The following TENM4 variants were observed in gnomAD, a reference collection of about 807,000 sequenced individuals.
The protein encoded by TENM4 is teneurin-4.
A neutral mutation model predicts 243.3 loss-of-function variants in TENM4; 82 were observed. The ratio of observed to expected loss-of-function variants is 0.34; its 90% CI spans 0.28 to 0.40. TENM4 has a LOEUF of 0.40. Ranked by LOEUF, TENM4 falls within the 10% of genes least tolerant of loss-of-function variation. The probability of loss-of-function intolerance (pLI) is 1.00; values close to 1 mark genes in which losing one functional copy is unlikely to be tolerated. For missense variants in TENM4, 3,138 were observed against 3,673.3 expected (o/e 0.85, Z 3.77); for synonymous variants, 1,412 against 1,456.3 (o/e 0.97, Z 0.69).
intron 3 of TENM4, among the ~76,000 whole-genome samples, chr11:79,205,947 A>G (rs1863843091): frequency 6.6e-6 from 1 of 152,260 alleles, no homozygotes; most frequent in Non-Finnish European, 1.5e-5. Context: ...CAGAACTCAG[A>G]GTGAATGCTA....
intron 33 of TENM4, among the ~76,000 whole-genome samples, chr11:78,660,627 C>G (rs1393117994): frequency 6.6e-6 from 1 of 152,130 alleles, no homozygotes; most frequent in Non-Finnish European, 1.5e-5. Context: ...CTGCTTTCCT[C>G]CTTAGTCTGT....
intron 3 of TENM4, among the ~76,000 whole-genome samples, chr11:79,203,983 G>A (rs1399378201): frequency 6.6e-6 from 1 of 152,210 alleles, no homozygotes; most frequent in Admixed American, 6.5e-5. Context: ...AAAAACACAT[G>A]TTGTATGATT....
chr11:79,366,840 T>A (rs956927396), intron 1 of TENM4, among the ~76,000 whole-genome samples: 1 of 152,190 alleles, frequency 6.6e-6, no homozygotes, highest in African/African-American at 2.4e-5. Context: ...GATCAATGAA[T>A]GAATGAGTGA....
intron 3 of TENM4, among the ~76,000 whole-genome samples, chr11:79,154,449 T>C (rs1444468271): frequency 6.6e-6 from 1 of 152,104 alleles, no homozygotes. Flanking sequence ...CCTCCAACAC[T>C]GGAGGTCACA....
chr11:79,403,242 A>C (rs1858498909), intron 1 of TENM4, among the ~76,000 whole-genome samples: 1 of 152,246 alleles, frequency 6.6e-6, no homozygotes, highest in Non-Finnish European at 1.5e-5. Flanking sequence ...ATTTATGACA[A>C]AAAGGTTGTC....
chr11:79,360,822 AC>A (rs1446954511), intron 1 of TENM4, among the ~76,000 whole-genome samples: 21 of 152,196 alleles, frequency 1.4e-4, no homozygotes, highest in African/African-American at 5.1e-4. Flanking sequence ...ACCCACAACT[AC>A]AATGCAAAAT....
At chr11:79,391,400 A>C (rs1185421295) in intron 1 of TENM4, among the ~76,000 whole-genome samples, 1 of 131,148 alleles carries the variant, frequency 7.6e-6, no homozygotes. Flanking sequence ...GTGGGATGCC[A>C]AGTGGAACCA....
intron 27 of TENM4, among the ~76,000 whole-genome samples, 159 bp from the exon 28 acceptor site, chr11:78,702,562 T>A (rs1859134619): frequency 1.3e-5 from 2 of 152,286 alleles, no homozygotes; most frequent in South Asian, 4.1e-4. Flanking sequence ...GTCAGCCCCC[T>A]GATCACCGGG....
chr11:79,096,928 G>GCGCGCACACACACA (rs1491382120), intron 4 of TENM4: 52 of 133,884 alleles, frequency 3.9e-4, no homozygotes, highest in African/African-American at 1.3e-3. Context: ...GCGCGCGCGC[G>GCGCGCACACACACA]CACACACACA....
chr11:79,402,213 G>C (rs954689267), intron 1 of TENM4: 1 of 192,320 alleles, frequency 5.2e-6, no homozygotes, highest in African/African-American at 2.4e-5. Flanking sequence ...CCTTATTGGG[G>C]AAAAAATAGG....
At chr11:78,882,052 A>G (rs1407187522) in intron 9 of TENM4, among the ~76,000 whole-genome samples, 1 of 152,164 alleles carries the variant, frequency 6.6e-6, no homozygotes, top group African/African-American at 2.4e-5. Context: ...TCCATTTCCC[A>G]TTCTTTGGGC....
intron 10 of TENM4, among the ~76,000 whole-genome samples, chr11:78,856,677 A>G (rs987778706): frequency 2.6e-5 from 4 of 151,916 alleles, no homozygotes; most frequent in African/African-American, 9.7e-5. Context: ...ATTTGTGTAT[A>G]CATTGGAAGC....
At chr11:78,684,309 T>A (rs112736845) in intron 29 of TENM4, among the ~76,000 whole-genome samples, 121 of 152,374 alleles carry the variant, frequency 7.9e-4, no homozygotes, top group African/African-American at 2.6e-3. Context: ...CTCTGGTACT[T>A]CATCAGTACA....
chr11:78,904,216 CG>C (rs1856008214), intron 6 of TENM4, among the ~76,000 whole-genome samples: 1 of 151,570 alleles, frequency 6.6e-6, no homozygotes, highest in Non-Finnish European at 1.5e-5. Context: ...AAAAATTAGC[CG>C]GGCGTGGTGG....
intron 1 of TENM4, among the ~76,000 whole-genome samples, chr11:79,398,367 T>A (rs995335480): frequency 5.3e-5 from 8 of 152,146 alleles, no homozygotes; most frequent in Non-Finnish European, 1.0e-4. Flanking sequence ...TCAGCAATGT[T>A]CATCCAGCCT....
intron 6 of TENM4, among the ~76,000 whole-genome samples, chr11:78,911,100 C>A (rs1018906281): frequency 4.6e-5 from 7 of 152,136 alleles, no homozygotes; most frequent in Admixed American, 3.9e-4. Flanking sequence ...GATGAAGGGA[C>A]AATGTATGAA....
chr11:79,380,128 C>A (rs572444826), intron 1 of TENM4, among the ~76,000 whole-genome samples: 1 of 152,196 alleles, frequency 6.6e-6, no homozygotes, highest in South Asian at 2.1e-4. Flanking sequence ...ATGAGCCTCC[C>A]AATGTCCTTT....
At chr11:79,084,020 T>C (rs1292271138) in intron 4 of TENM4, among the ~76,000 whole-genome samples, 2 of 151,820 alleles carry the variant, frequency 1.3e-5, no homozygotes, top group African/African-American at 4.8e-5. Context: ...AATGCAACAG[T>C]GAGAAACAAA....
intron 9 of TENM4, among the ~76,000 whole-genome samples, chr11:78,883,409 C>T (rs1490005349): frequency 6.6e-6 from 1 of 152,168 alleles, no homozygotes; most frequent in Non-Finnish European, 1.5e-5. Flanking sequence ...GGTGGTCAGG[C>T]TCCAAATCCC....
Sources: allele counts gnomAD v4.1 joint callset (sites outside exome capture counted in the v4.1 genomes callset), GRCh38; gene constraint gnomAD v4.1.1; transcripts MANE v1.5; gene names NCBI Gene and HGNC (gene_info 2026-07-23, HGNC 2026-07-21).